The following SORCS1 variants were observed in gnomAD, a reference collection of about 807,000 sequenced individuals.
SORCS1 encodes the protein sortilin related VPS10 domain containing receptor 1, also known as VPS10 domain-containing receptor SorCS1.
In SORCS1, 60 loss-of-function variants were observed where a neutral mutation model predicts 146.1. That is an observed-to-expected ratio of 0.41 (90% confidence interval 0.33 to 0.51). The LOEUF is 0.51. SORCS1 is among the 20% of genes least tolerant of loss of function. The pLI is 0.21. For synonymous variants in SORCS1, 637 were observed against 584.0 expected, an observed-to-expected ratio of 1.09 and a Z score of -1.31; for missense variants, 1,352 against 1,487.6, an observed-to-expected ratio of 0.91 and a Z score of 1.50.
At chr10:106,825,507 C>T (rs1323765686) in intron 3 of SORCS1, among the ~76,000 whole-genome samples, 5 of 151,822 alleles carry the variant, frequency 3.3e-5, no homozygotes, top group East Asian at 1.9e-4. Flanking sequence ...CTCCTGACCT[C>T]GTGATCCACC....
intron 2 of SORCS1, among the ~76,000 whole-genome samples, chr10:106,921,112 C>T (rs776423182): frequency 6.6e-6 from 1 of 152,184 alleles, no homozygotes; most frequent in African/African-American, 2.4e-5. Flanking sequence ...TCTCAATCTA[C>T]AAACCATTTT....
At chr10:106,819,106 T>A (rs1327464906) in intron 3 of SORCS1, among the ~76,000 whole-genome samples, 1 of 152,212 alleles carries the variant, frequency 6.6e-6, no homozygotes, top group African/African-American at 2.4e-5. Flanking sequence ...GCCATATAAT[T>A]TGGAACAGTT....
chr10:106,675,664 G>T (rs1851972717), intron 13 of SORCS1, among the ~76,000 whole-genome samples: 1 of 152,208 alleles, frequency 6.6e-6, no homozygotes, highest in Non-Finnish European at 1.5e-5. Flanking sequence ...GAAAGCAAGA[G>T]AAGATAATTC....
chr10:106,733,938 G>C (rs1160581603), intron 5 of SORCS1, among the ~76,000 whole-genome samples: 12 of 152,150 alleles, frequency 7.9e-5, no homozygotes, highest in Admixed American at 7.2e-4. Context: ...CCAAAGGCAA[G>C]TGTTCTGTCT....
intron 6 of SORCS1, among the ~76,000 whole-genome samples, chr10:106,727,364 ATGGGATC>A (rs1235448757): frequency 6.6e-6 from 1 of 152,210 alleles, no homozygotes; most frequent in Non-Finnish European, 1.5e-5. Flanking sequence ...TTGTTTTGAC[ATGGGATC>A]TCACTATATT....
At chr10:107,121,219 C>G (rs1421513602) in intron 1 of SORCS1, among the ~76,000 whole-genome samples, 1 of 152,154 alleles carries the variant, frequency 6.6e-6, no homozygotes, top group African/African-American at 2.4e-5. Flanking sequence ...TGTGATTATT[C>G]ATGAGATTGT....
intron 1 of SORCS1, among the ~76,000 whole-genome samples, chr10:106,964,789 T>C (rs918179725): frequency 6.6e-6 from 1 of 151,624 alleles, no homozygotes; most frequent in Admixed American, 6.6e-5. Context: ...CCAGGCCTAA[T>C]TTTTTTTAGA....
At chr10:106,799,752 G>C (rs1294237372) in intron 3 of SORCS1, among the ~76,000 whole-genome samples, 4 of 152,178 alleles carry the variant, frequency 2.6e-5, no homozygotes, top group Admixed American at 6.5e-5. Flanking sequence ...AGAGGAAGTG[G>C]AGAAATAGGA....
chr10:106,691,499 A>C (rs1040312472), intron 9 of SORCS1, among the ~76,000 whole-genome samples: 3 of 152,230 alleles, frequency 2.0e-5, no homozygotes, highest in African/African-American at 7.2e-5. Flanking sequence ...CATATAAGTC[A>C]AGATATCATT....
At chr10:107,103,202 G>A (rs10787010) in intron 1 of SORCS1, among the ~76,000 whole-genome samples, 84,669 of 152,038 alleles carry the variant, frequency 0.56, 24,018 homozygotes, top group South Asian at 0.64. Context: ...CAAGCAGAGA[G>A]AGAGTTGGAT....
At chr10:107,162,057 T>G (rs538189266) in intron 1 of SORCS1, among the ~76,000 whole-genome samples, 192 of 152,334 alleles carry the variant, frequency 1.3e-3, no homozygotes, top group African/African-American at 4.4e-3. Context: ...TAAGCCCTAC[T>G]AGAATTATAA....
chr10:107,101,649 A>G (rs1964931021), intron 1 of SORCS1, among the ~76,000 whole-genome samples: 1 of 152,150 alleles, frequency 6.6e-6, no homozygotes, highest in Non-Finnish European at 1.5e-5. Context: ...GGACTGAACC[A>G]ATGCACCGGG....
intron 24 of SORCS1, among the ~76,000 whole-genome samples, chr10:106,580,931 C>T (rs1806958470): frequency 6.6e-6 from 1 of 152,156 alleles, no homozygotes; most frequent in Admixed American, 6.5e-5. Flanking sequence ...GCTATTTTCT[C>T]TCCCCTGTAA....
chr10:106,600,653 T>C (rs1226476862), intron 23 of SORCS1: 1 of 985,364 alleles, frequency 1.0e-6, no homozygotes, highest in Non-Finnish European at 1.2e-6. Context: ...TGCTTGCTTC[T>C]TACTATCTTT....
chr10:106,614,552 A>G (rs567693160), intron 21 of SORCS1, among the ~76,000 whole-genome samples: 34 of 152,356 alleles, frequency 2.2e-4, no homozygotes, highest in African/African-American at 7.7e-4. Context: ...TGTGGTAAAC[A>G]GCAGTGCCAA....
intron 2 of SORCS1, among the ~76,000 whole-genome samples, chr10:106,889,008 C>T (rs1951112863): frequency 6.6e-6 from 1 of 152,070 alleles, no homozygotes; most frequent in African/African-American, 2.4e-5. Context: ...CAAGGTCATT[C>T]CAATAAACGC....
intron 1 of SORCS1, among the ~76,000 whole-genome samples, chr10:107,120,940 G>C (rs1187882059): frequency 6.6e-6 from 1 of 152,250 alleles, no homozygotes; most frequent in Non-Finnish European, 1.5e-5. Context: ...AGAGGGAGAT[G>C]GGAATAGGAT....
chr10:106,797,057 G>C (rs531605909), intron 3 of SORCS1, among the ~76,000 whole-genome samples: 1 of 152,018 alleles, frequency 6.6e-6, no homozygotes, highest in African/African-American at 2.4e-5. Context: ...CAGTAAGCCG[G>C]GATCACGCCA....
chr10:106,800,360 C>T (rs950952147), intron 3 of SORCS1, among the ~76,000 whole-genome samples: 1 of 151,892 alleles, frequency 6.6e-6, no homozygotes, highest in South Asian at 2.1e-4. Context: ...TGTAAGACTT[C>T]CTAAAGGTTG....
Sources: gnomAD v4.1 joint callset for allele counts (sites outside exome capture counted in the v4.1 genomes callset) on GRCh38, gnomAD v4.1.1 for gene constraint, MANE v1.5 for transcripts, NCBI Gene and HGNC (gene_info 2026-07-23, HGNC 2026-07-21) for gene names.